Variants in FHIT observed in about 807,000 individuals in gnomAD.
FHIT encodes the protein bis(5'-adenosyl)-triphosphatase.
FHIT carries 19 observed loss-of-function variants against 17.9 expected under a neutral mutation model. That is an observed-to-expected ratio of 1.06 (90% CI 0.74 to 1.56). The LOEUF is 1.56. Ranked by LOEUF, FHIT falls within the 40% of genes most tolerant of loss-of-function variation. FHIT has a pLI of 0.00. For synonymous variants in FHIT, 81 were observed against 69.7 expected (o/e 1.16, Z -0.81); for missense variants, 248 against 189.2 (o/e 1.31, Z -1.82).
intron 2 of FHIT, among the ~76,000 whole-genome samples, chr3:61,049,699 G>C (rs1442185007): frequency 1.3e-5 from 2 of 152,134 alleles, no homozygotes; most frequent in African/African-American, 4.8e-5. Context: ...CCAGGTTATA[G>C]TGGTGATTGG....
At chr3:59,986,498 A>AATATATATATAT (rs74199531) in intron 7 of FHIT, among the ~76,000 whole-genome samples, 1 of 62,304 alleles carries the variant, frequency 1.6e-5, no homozygotes, top group Non-Finnish European at 2.8e-5. Flanking sequence ...AGTAGTCCAA[A>AATATATATATAT]ATATATATAT....
At chr3:60,294,569 G>C (rs1228642599) in intron 5 of FHIT, among the ~76,000 whole-genome samples, 2 of 152,066 alleles carry the variant, frequency 1.3e-5, no homozygotes, top group East Asian at 1.9e-4. Context: ...AATTACAAAA[G>C]TAAACCTACA....
intron 5 of FHIT, among the ~76,000 whole-genome samples, chr3:60,337,888 A>G (rs1420239764): frequency 6.6e-6 from 1 of 152,240 alleles, no homozygotes; most frequent in Non-Finnish European, 1.5e-5. Flanking sequence ...AATCAAACTC[A>G]GGAAGTACTT....
intron 5 of FHIT, among the ~76,000 whole-genome samples, chr3:60,385,474 A>G (rs1170684140): frequency 6.6e-6 from 1 of 152,224 alleles, no homozygotes; most frequent in African/African-American, 2.4e-5. Context: ...GAATAAAATA[A>G]TTAAGAAAAA....
chr3:60,242,090 T>C (rs1252646995), intron 5 of FHIT, among the ~76,000 whole-genome samples: 2 of 152,118 alleles, frequency 1.3e-5, no homozygotes, highest in African/African-American at 4.8e-5. Context: ...TAGGCCATTA[T>C]TAATATTTGG....
intron 5 of FHIT, among the ~76,000 whole-genome samples, chr3:60,340,067 G>T (rs1194229076): frequency 6.6e-6 from 1 of 151,110 alleles, no homozygotes; most frequent in African/African-American, 2.5e-5. Context: ...TTATGGAGGG[G>T]TGTTTAATTT....
At chr3:61,205,166 G>A (rs1404525210) in intron 1 of FHIT, among the ~76,000 whole-genome samples, 2 of 151,922 alleles carry the variant, frequency 1.3e-5, no homozygotes, top group Non-Finnish European at 2.9e-5. Context: ...ATTTTTTATG[G>A]CTGCATAGTA....
intron 5 of FHIT, among the ~76,000 whole-genome samples, chr3:60,229,629 A>G (rs1704393714): frequency 1.3e-5 from 2 of 152,168 alleles, no homozygotes; most frequent in Admixed American, 1.3e-4. Context: ...GGGAAAATCC[A>G]GAGTAACTGG....
intron 3 of FHIT, among the ~76,000 whole-genome samples, chr3:60,911,265 A>C (rs1187890560): frequency 2.0e-5 from 3 of 152,138 alleles, no homozygotes; most frequent in Non-Finnish European, 4.4e-5. Context: ...AGTCGCATTT[A>C]ATGATACCCT....
chr3:60,182,288 G>C (rs1326241309), intron 5 of FHIT, among the ~76,000 whole-genome samples: 1 of 152,084 alleles, frequency 6.6e-6, no homozygotes, highest in Non-Finnish European at 1.5e-5. Context: ...AAATCCTACA[G>C]GCCTCCTACC....
intron 3 of FHIT, among the ~76,000 whole-genome samples, chr3:60,886,205 T>C (rs928852101): frequency 5.9e-5 from 9 of 152,334 alleles, no homozygotes; most frequent in African/African-American, 2.2e-4. Context: ...GTTAATACCA[T>C]GAATGGCTAA....
At chr3:60,560,802 GACACACACACACACAC>G (rs71092614) in intron 4 of FHIT, among the ~76,000 whole-genome samples, 11 of 128,956 alleles carry the variant, frequency 8.5e-5, no homozygotes, top group African/African-American at 2.4e-4. Context: ...GATGTAAGGA[GACACACACACACACAC>G]ACACACACAC....
chr3:60,639,839 T>C (rs982588830), intron 4 of FHIT, among the ~76,000 whole-genome samples: 6 of 152,152 alleles, frequency 3.9e-5, no homozygotes, highest in Admixed American at 2.6e-4. Flanking sequence ...TCCACACAAA[T>C]ATCTATACAT....
chr3:59,770,851 C>G (rs147029025), intron 8 of FHIT, among the ~76,000 whole-genome samples: 1 of 152,286 alleles, frequency 6.6e-6, no homozygotes, highest in African/African-American at 2.4e-5. Context: ...ATGCTCAACC[C>G]TTGACCTCAC....
chr3:61,149,751 G>A (rs532227211), intron 2 of FHIT, among the ~76,000 whole-genome samples: 17 of 151,736 alleles, frequency 1.1e-4, no homozygotes, highest in East Asian at 3.9e-4. Context: ...GTGGTGGTGC[G>A]CACCTGTAGC....
intron 5 of FHIT, among the ~76,000 whole-genome samples, chr3:60,470,058 T>TCTCTCTCTCTCTCTCTCTC (rs1576711581): frequency 2.1e-5 from 3 of 142,942 alleles, no homozygotes; most frequent in Non-Finnish European, 4.5e-5. Flanking sequence ...CTCTCTTTCT[T>TCTCTCTCTCTCTCTCTCTC]TCTCTCTCTC....
chr3:60,848,563 G>A (rs1703016811), intron 3 of FHIT, among the ~76,000 whole-genome samples: 1 of 152,124 alleles, frequency 6.6e-6, no homozygotes, highest in African/African-American at 2.4e-5. Flanking sequence ...AGGCTTTGGA[G>A]TCAGACAGAT....
intron 9 of FHIT, chr3:59,750,013 T>C (rs1575595910): frequency 4.9e-6 from 1 of 205,456 alleles, no homozygotes; most frequent in African/African-American, 2.6e-5. Context: ...GAAATACACA[T>C]GTTAGTTAAC....
chr3:60,179,848 C>T lies in FHIT; in HGVS notation c.104-165696G>A, dbSNP rs545526375. ...CTCTAAACGGGTTCTCTTCGTTCTG[C>T]ATGCTACATGAAAGGAAACAGCTAC... On this transcript the variant is annotated intron_variant, in intron 5 of 9. Coordinates refer to ENST00000492590, the MANE Select transcript of FHIT (RefSeq NM_002012.4). Among the ~76,000 whole-genome samples the T allele has an allele frequency of 4.6e-5, 7 of 152,252 alleles. No individual in the cohort carries two copies. In the South Asian group the frequency reaches 1.2e-3, roughly 27 times the overall value.
Sources: gnomAD v4.1 joint callset for allele counts (sites outside exome capture counted in the v4.1 genomes callset) on GRCh38, gnomAD v4.1.1 for gene constraint, MANE v1.5 for transcripts, NCBI Gene and HGNC (gene_info 2026-07-23, HGNC 2026-07-21) for gene names.